The following NUDCD1 variants were observed in gnomAD, a reference collection of about 807,000 sequenced individuals.
The protein encoded by NUDCD1 is NudC domain containing 1, also known as nudC domain-containing protein 1.
NUDCD1 carries 60 observed loss-of-function variants against 67.8 expected under a neutral mutation model. The ratio of observed to expected loss-of-function variants is 0.88; its 90% CI spans 0.72 to 1.10. The LOEUF (loss-of-function observed/expected upper bound fraction) is 1.10. NUDCD1 is among the 50% of genes least tolerant of loss of function. The pLI is 0.00. For missense variants in NUDCD1, 643 were observed against 695.0 expected, an observed-to-expected ratio of 0.93 and a Z score of 0.84; for synonymous variants, 244 against 230.8, an observed-to-expected ratio of 1.06 and a Z score of -0.52.
chr8:109,291,551 T>C (rs981644009), intron 4 of NUDCD1, among the ~76,000 whole-genome samples: 1 of 152,176 alleles, frequency 6.6e-6, no homozygotes, highest in African/African-American at 2.4e-5. Flanking sequence ...ATATACTTTA[T>C]GAAATGTTTC....
chr8:109,256,958 A>C (rs891241846), intron 8 of NUDCD1, among the ~76,000 whole-genome samples: 18 of 152,104 alleles, frequency 1.2e-4, no homozygotes, highest in Non-Finnish European at 2.2e-4. Context: ...TTAAAAATTC[A>C]ACACCTCTTC....
intron 5 of NUDCD1, among the ~76,000 whole-genome samples, chr8:109,285,130 G>A (rs181926689): frequency 6.6e-6 from 1 of 151,990 alleles, no homozygotes; most frequent in African/African-American, 2.4e-5. Flanking sequence ...CTGAAACCTT[G>A]AACAGACCAA....
At chr8:109,244,820 T>C (rs963374075) in intron 9 of NUDCD1, among the ~76,000 whole-genome samples, 6 of 152,170 alleles carry the variant, frequency 3.9e-5, no homozygotes, top group Non-Finnish European at 8.8e-5. Flanking sequence ...TCCTACCAAA[T>C]AAATTTAATT....
At chr8:109,261,083 T>C (rs1195409649) in intron 8 of NUDCD1, among the ~76,000 whole-genome samples, 1 of 152,214 alleles carries the variant, frequency 6.6e-6, no homozygotes, top group African/African-American at 2.4e-5. Flanking sequence ...GGGGGTATTT[T>C]AAATGATTAT....
chr8:109,330,962 T>A (rs540356154), intron 1 of NUDCD1, among the ~76,000 whole-genome samples: 1 of 152,008 alleles, frequency 6.6e-6, no homozygotes, highest in East Asian at 1.9e-4. Context: ...AGGTGATGGG[T>A]TGACGGGTGC....
intron 5 of NUDCD1, 100 bp downstream of exon 5, chr8:109,289,651 T>C (rs776542394): frequency 1.7e-6 from 1 of 581,364 alleles, no homozygotes; most frequent in Non-Finnish European, 2.9e-6. Context: ...ATTATGCATC[T>C]ATCTTGCCCT....
At chr8:109,248,371 T>C (rs978198497) in intron 8 of NUDCD1, among the ~76,000 whole-genome samples, 2 of 152,186 alleles carry the variant, frequency 1.3e-5, no homozygotes, top group Non-Finnish European at 2.9e-5. Context: ...ATACCACCCA[T>C]CTCACAACAC....
At chr8:109,287,496 A>G (rs886255773) in intron 5 of NUDCD1, among the ~76,000 whole-genome samples, 9 of 152,132 alleles carry the variant, frequency 5.9e-5, no homozygotes, top group African/African-American at 1.9e-4. Context: ...CAGCAACATG[A>G]ATGTAGCAAG....
intron 2 of NUDCD1, among the ~76,000 whole-genome samples, chr8:109,301,874 C>T (rs1019896856): frequency 6.6e-6 from 1 of 152,216 alleles, no homozygotes; most frequent in African/African-American, 2.4e-5. Context: ...GATTATTCAC[C>T]CACACTCCAT....
At chr8:109,305,018 C>G (rs1265002201) in intron 2 of NUDCD1, among the ~76,000 whole-genome samples, 5 of 152,194 alleles carry the variant, frequency 3.3e-5, no homozygotes, top group Admixed American at 3.3e-4. Context: ...AAGCCACTAG[C>G]CCATCTCTTA....
chr8:109,296,304 A>C, intron 3 of NUDCD1, 80 bp downstream of exon 3: 1 of 1,141,622 alleles, frequency 8.8e-7, no homozygotes, highest in Non-Finnish European at 1.3e-6. Flanking sequence ...ACCATCCTTG[A>C]AAAGTGTCAT....
chr8:109,276,179 G>A (rs1383443161), intron 6 of NUDCD1, among the ~76,000 whole-genome samples: 2 of 152,194 alleles, frequency 1.3e-5, no homozygotes, highest in African/African-American at 4.8e-5. Flanking sequence ...AAAATGGTCT[G>A]TCAGGGAACC....
chr8:109,287,525 G>C (rs1035528032), intron 5 of NUDCD1, among the ~76,000 whole-genome samples: 1 of 152,046 alleles, frequency 6.6e-6, no homozygotes, highest in Non-Finnish European at 1.5e-5. Flanking sequence ...ATCCTATGCA[G>C]ATTAGTGCAG....
chr8:109,320,444 C>T (rs945713325), intron 2 of NUDCD1, among the ~76,000 whole-genome samples: 2 of 152,206 alleles, frequency 1.3e-5, no homozygotes, highest in African/African-American at 4.8e-5. Context: ...TTCCGCCCAG[C>T]TCACCTGCGG....
At chr8:109,266,236 T>G (rs191307927) in intron 8 of NUDCD1, among the ~76,000 whole-genome samples, 2,487 of 151,948 alleles carry the variant, frequency 0.016, 29 homozygotes, top group South Asian at 0.031. Flanking sequence ...GTAATAATTT[T>G]TTTTTTTGAG....
chr8:109,252,775 T>A (rs546953558), intron 8 of NUDCD1, among the ~76,000 whole-genome samples: 52 of 152,324 alleles, frequency 3.4e-4, no homozygotes, highest in African/African-American at 1.2e-3. Flanking sequence ...TTTTAAGCTG[T>A]TGGCTGCCCT....
intron 8 of NUDCD1, among the ~76,000 whole-genome samples, chr8:109,253,187 T>C (rs1376780409): frequency 6.6e-6 from 1 of 152,178 alleles, no homozygotes; most frequent in Non-Finnish European, 1.5e-5. Context: ...GCCAAAACAA[T>C]AAAGTCCTCT....
chr8:109,284,003 A>AC (rs1332402120), intron 5 of NUDCD1, among the ~76,000 whole-genome samples: 6 of 150,552 alleles, frequency 4.0e-5, no homozygotes, highest in South Asian at 4.2e-4. Flanking sequence ...AAAAAAAAAA[A>AC]AAAACAAAAC....
At chr8:109,290,266 G>A (rs764023673) in intron 4 of NUDCD1, among the ~76,000 whole-genome samples, 12 of 152,078 alleles carry the variant, frequency 7.9e-5, no homozygotes, top group Non-Finnish European at 1.5e-4. Context: ...AGCCACACAT[G>A]GCTAGTAGCT....
Sources: gnomAD v4.1 joint callset for allele counts (sites outside exome capture counted in the v4.1 genomes callset) on GRCh38, gnomAD v4.1.1 for gene constraint, MANE v1.5 for transcripts, NCBI Gene and HGNC (gene_info 2026-07-23, HGNC 2026-07-21) for gene names.